GNB3: variants seen among roughly 807,000 people sequenced by gnomAD.
The protein encoded by GNB3 is G protein subunit beta 3.
A neutral mutation model predicts 41.2 loss-of-function variants in GNB3; 33 were observed. The ratio of observed to expected loss-of-function variants is 0.80; its 90% CI spans 0.61 to 1.07. The LOEUF (loss-of-function observed/expected upper bound fraction) is 1.07. Among genes scored for constraint, GNB3 ranks in the 50% least tolerant of loss-of-function variants. The pLI is 0.00. For synonymous variants in GNB3, 172 were observed against 173.4 expected, an observed-to-expected ratio of 0.99 and a Z score of 0.06; for missense variants, 409 against 455.3, an observed-to-expected ratio of 0.90 and a Z score of 0.92.
chr12:6,843,985 G>A lies in GNB3; in HGVS notation c.699+7G>A. ...GGACATCAACGCCATCTGTGTGAGT[G>A]CACCCCCCACCCCAGCTTCACTCCA... On this transcript the variant is annotated splice_region_variant and intron_variant, in intron 8 of 9. Coordinates refer to ENST00000229264, the MANE Select transcript of GNB3 (RefSeq NM_002075.4). This position sits in a 1 kb window ranked among gnomAD's most constrained non-coding sequence, Gnocchi z 5.9. The A allele has an allele frequency of 6.3e-7, 1 of 1,597,020 alleles. No individual in the cohort carries two copies. The highest frequency in any genetic ancestry group is 8.6e-7 in the Non-Finnish European group (1 of 1,169,426).
chr12:6,842,228 C>A (rs1943588433), intron 3 of GNB3, among the ~76,000 whole-genome samples: 2 of 152,204 alleles, frequency 1.3e-5, no homozygotes, highest in African/African-American at 4.8e-5. Flanking sequence ...AGTAAACAGA[C>A]TCAGGGAGGT....
chr12:6,841,986 A>G, intron 3 of GNB3: 1 of 388,972 alleles, frequency 2.6e-6, no homozygotes, highest in South Asian at 2.3e-5. Context: ...ATTTCTTCAC[A>G]TTTTGACATC....
chr12:6,846,906 G>C lies in GNB3; in HGVS notation c.*8G>C. The C allele has an allele frequency of 6.6e-7, 1 of 1,513,918 alleles. No homozygotes were observed. The highest frequency in any genetic ancestry group is 1.2e-5 in the South Asian group (1 of 84,466). 93.8% of individuals were successfully genotyped at this position (1,513,918 alleles called of 1,614,324 possible). A position where few individuals can be genotyped will look rare whatever the true frequency, so the allele number is the denominator to read the frequency against. On this transcript the variant is annotated 3_prime_UTR_variant, in exon 10 of 10. Transcript: ENST00000229264. ...CTCAAAATCTGGAACTGAGGAGGCT[G>C]GAGAAAGGGAAGTGGAAGGCAGTGA...
chr12:6,841,522 G>A (rs1382134245), intron 2 of GNB3, 64 bp from the exon 3 acceptor site: 1 of 1,407,866 alleles, frequency 7.1e-7, no homozygotes, highest in Non-Finnish European at 9.9e-7. Flanking sequence ...AACCTGCCCT[G>A]AAGGCCCATG....
In GNB3 at chr12:6,846,784, T is replaced by C; in HGVS notation, c.917-8T>C. 4 of 1,547,568 alleles carry C rather than the reference T, an allele frequency of 2.6e-6. No individual in the cohort carries two copies. The highest frequency in any genetic ancestry group is 2.3e-5 in the South Asian group (2 of 85,462). ...AGAGACAGGCTGACTCCTTTCCCTC[T>C]TCCTCAGGCATCCTCTCTGGCCACG... is the stretch of plus-strand genomic sequence containing the variant. On this transcript the variant is annotated splice_polypyrimidine_tract_variant and splice_region_variant and intron_variant, in intron 9 of 9. Transcript: ENST00000229264.
At chr12:6,846,337 G>A (rs1308450774) in intron 9 of GNB3, 3 of 167,824 alleles carry the variant, frequency 1.8e-5, no homozygotes, top group East Asian at 1.7e-4. Flanking sequence ...CCTTGCACAA[G>A]TCACTCCTCC....
chr12:6,846,562 G>T, intron 9 of GNB3: 2 of 438,166 alleles, frequency 4.6e-6, no homozygotes, highest in East Asian at 3.5e-5. Flanking sequence ...GCCTTCTTCA[G>T]GGGTTGAGCC....
chr12:6,842,387 T>C (rs966173352), intron 3 of GNB3, among the ~76,000 whole-genome samples: 1 of 151,894 alleles, frequency 6.6e-6, no homozygotes, highest in African/African-American at 2.4e-5. Context: ...CTTCTTAATA[T>C]AAAAAAAATT....
chr12:6,847,092 C>T lies in GNB3; in HGVS notation c.*194C>T. On this transcript the variant is annotated 3_prime_UTR_variant, in exon 10 of 10. Coordinates refer to ENST00000229264, the MANE Select transcript of GNB3 (RefSeq NM_002075.4). Reference sequence around the variant, plus strand: ...GGGACACAGGGGCAAAGAACTGCCCCATCTCCTCCCATGGCCTTCCCTCCC... The same window carrying T: ...GGGACACAGGGGCAAAGAACTGCCCTATCTCCTCCCATGGCCTTCCCTCCC... The T allele has an allele frequency of 1.8e-6, 1 of 567,166 alleles. No individual in the cohort carries two copies. The highest frequency in any genetic ancestry group is 3.2e-6 in the Non-Finnish European group (1 of 314,834). 35.1% of individuals were successfully genotyped at this position (567,166 alleles called of 1,614,324 possible). A position where few individuals can be genotyped will look rare whatever the true frequency, so the allele number is the denominator to read the frequency against.
intron 3 of GNB3, among the ~76,000 whole-genome samples, chr12:6,842,258 A>T (rs1565517795): frequency 6.6e-6 from 1 of 152,202 alleles, no homozygotes; most frequent in Non-Finnish European, 1.5e-5. Context: ...TGCCCAAGAT[A>T]ACAAAGCAGG....
chr12:6,845,450 C>G, intron 8 of GNB3, 136 bp from the exon 9 acceptor site: 1 of 646,866 alleles, frequency 1.5e-6, no homozygotes, highest in Non-Finnish European at 2.8e-6. Context: ...CTTCTCACCC[C>G]AAACCAAGGG....
At chr12:6,842,536 G>T (rs1338366391) in intron 3 of GNB3, among the ~76,000 whole-genome samples, 1 of 152,200 alleles carries the variant, frequency 6.6e-6, no homozygotes, top group African/African-American at 2.4e-5. Flanking sequence ...GTACAGTTCA[G>T]GGTCATGGTG....
At position 6,843,920 on chromosome 12, in the gene GNB3, G is replaced by A. The variant is rs1943627181; in HGVS notation, c.641G>A (p.Arg214Gln). 11 of 1,613,918 alleles carry A rather than the reference G, an allele frequency of 6.8e-6. No individual in the cohort carries two copies. Among genetic ancestry groups the A allele is most frequent in the East Asian group, 2.2e-5 (1 of 44,866 alleles). Residue 214 changes from arginine (R) to glutamine (Q), a missense_variant, in exon 8 of 10, where the codon CGA (arginine) becomes CAA (glutamine). By Grantham distance (43) the Arg-to-Gln change is conservative. Transcript: ENST00000229264. The surrounding 1 kb of genome is among the most constrained non-coding windows in gnomAD (Gnocchi z 5.9). Reference sequence around the variant, plus strand: ...GCCAGTGCCAAGCTCTGGGATGTGCGAGAGGGGACCTGCCGTCAGACTTTC... The same window carrying A: ...GCCAGTGCCAAGCTCTGGGATGTGCAAGAGGGGACCTGCCGTCAGACTTTC... ...CDASAKLWDVREGTCRQTFTG... is the reference protein window; with the variant it reads ...CDASAKLWDVQEGTCRQTFTG...
chr12:6,845,278 C>T (rs1036082199), intron 8 of GNB3: 24 of 356,098 alleles, frequency 6.7e-5, no homozygotes, highest in Non-Finnish European at 1.3e-4. Flanking sequence ...GTCTGGGAGT[C>T]TGGGACAACC....
In GNB3 at chr12:6,844,093, ATTTTTTTTTTT is replaced by A. The variant is rs34871066; in HGVS notation, c.699+131_699+141del. On this transcript the variant is annotated intron_variant, in intron 8 of 9. Coordinates refer to ENST00000229264, the MANE Select transcript of GNB3 (RefSeq NM_002075.4). ...AGCTTCCCTAGCCCTTTCTTACTGT[ATTTTTTTTTTT>A]TTTTTTTTTTTTTTTGAGACAGAGT... 9.3e-5 allele frequency: 24 copies of A among 258,150 alleles called. 1 individual carries two copies. Among genetic ancestry groups the A allele is most frequent in the South Asian group, 7.2e-4 (12 of 16,646 alleles). The allele number at this position is 258,150 out of a possible 1,614,324, so 16.0% of individuals were successfully genotyped here. A position where few individuals can be genotyped will look rare whatever the true frequency, so the allele number is the denominator to read the frequency against.
rs782476867 is a variant in GNB3 at position 6,843,632 on chromosome 12, G to T, written c.431G>T (p.Gly144Val). Residue 144 changes from glycine to valine, a missense_variant and splice_region_variant, in exon 7 of 10, where the codon GGT becomes GTT. Transcript: ENST00000229264. The surrounding 1 kb of genome is among the most constrained non-coding windows in gnomAD (Gnocchi z 5.9). ...KVSRELSAHT[G>V]YLSCCRFLDD... The stretch of plus-strand genomic sequence containing the variant: ...GCACTGTCCTTCTAACCGCCTCCAG[G>T]TTATCTCTCCTGCTGCCGCTTCCTG... 1.9e-6 allele frequency: 3 copies of T among 1,614,180 alleles called. No individual in the cohort carries two copies. The highest frequency in any genetic ancestry group is 2.2e-5 in the South Asian group (2 of 91,088).
Position 6,844,091 on chromosome 12 carries a change from GTATTTTTTTTTTTT to G in GNB3, c.699+115_699+128del, listed in dbSNP as rs1181586303. ...ATAGCTTCCCTAGCCCTTTCTTACT[GTATTTTTTTTTTTT>G]TTTTTTTTTTTTTTGAGACAGAGTC... On this transcript the variant is annotated intron_variant, in intron 8 of 9. Transcript: ENST00000229264. The G allele has an allele frequency of 4.2e-4, 110 of 258,858 alleles. 4 individuals are homozygous for G. Among genetic ancestry groups the G allele is most frequent in the African/African-American group, 4.1e-3 (95 of 23,446 alleles). The allele number at this position is 258,858 out of a possible 1,614,324, so 16.0% of individuals were successfully genotyped here. A position where few individuals can be genotyped will look rare whatever the true frequency, so the allele number is the denominator to read the frequency against.
At position 6,842,932 on chromosome 12, in the gene GNB3, C is replaced by T. The variant is rs781851507; in HGVS notation, c.97-38C>T. 5 of 1,360,558 alleles carry T rather than the reference C, an allele frequency of 3.7e-6. No individual in the cohort carries two copies. In the African/African-American group the frequency reaches 7.2e-5, roughly 20 times the overall value. The allele number at this position is 1,360,558 out of a possible 1,614,324, so 84.3% of individuals were successfully genotyped here. A position where few individuals can be genotyped will look rare whatever the true frequency, so the allele number is the denominator to read the frequency against. On this transcript the variant is annotated intron_variant, in intron 3 of 9. Coordinates refer to ENST00000229264, the MANE Select transcript of GNB3 (RefSeq NM_002075.4). Reference sequence around the variant, plus strand: ...CAGTGACAGACATCTGGGCACGTAACCTGCTCACCCTGATATTCAGTGCCC... The same window carrying T: ...CAGTGACAGACATCTGGGCACGTAATCTGCTCACCCTGATATTCAGTGCCC...
rs782395053 is a variant in GNB3, at chr12:6,843,219, C to T, written c.249C>T (p.Asp83=). 1.2e-5 allele frequency: 19 copies of T among 1,613,780 alleles called. No homozygotes were observed. In the African/African-American group the frequency reaches 2.1e-4, roughly 18 times the overall value. Residue 83 remains aspartate (D), a synonymous_variant, in exon 5 of 10, where the codon GAC becomes GAT. Transcript: ENST00000229264. This position sits in a 1 kb window ranked among gnomAD's most constrained non-coding sequence, Gnocchi z 5.9. ...AAGATGGGAAGCTGATCGTGTGGGA[C>T]AGCTACACCACCAACAAGGTACCAG... is the stretch of plus-strand genomic sequence containing the variant. ...ASQDGKLIVW[D]SYTTNKVHAI... is the part of the protein sequence containing the mutation.
Sources: gnomAD v4.1 joint callset for allele counts (sites outside exome capture counted in the v4.1 genomes callset) on GRCh38, gnomAD v4.1.1 for gene constraint, Gnocchi (gnomAD v3.1) non-coding constraint, MANE v1.5 for transcripts, NCBI Gene and HGNC (gene_info 2026-07-23, HGNC 2026-07-21) for gene names.